TMEM63C: variants seen among roughly 807,000 people sequenced by gnomAD.
TMEM63C encodes the protein transmembrane protein 63C.
Under a neutral mutation model 99.2 loss-of-function variants are expected in TMEM63C, and 32 were observed. The observed-to-expected ratio is 0.32, with a 90% CI of 0.24 to 0.43. The LOEUF is 0.43. Among genes scored for constraint, TMEM63C ranks in the 20% least tolerant of loss-of-function variants. The pLI is 1.00. For synonymous variants in TMEM63C, 376 were observed against 397.9 expected (o/e 0.94, Z 0.66); for missense variants, 826 against 1,053.0 (o/e 0.78, Z 2.98).
At chr14:77,227,489 A>G (rs1486853322) in intron 6 of TMEM63C, among the ~76,000 whole-genome samples, 1 of 152,248 alleles carries the variant, frequency 6.6e-6, no homozygotes. Flanking sequence ...GGAGCTGTTG[A>G]AAAAACAAGA....
rs547646173 is a variant in TMEM63C, at chr14:77,202,386, C to G, written c.-76-11060C>G. 1.1e-4 allele frequency among the ~76,000 whole-genome samples: 16 copies of G among 152,206 alleles called. 1 individual carries two copies. In the South Asian group the frequency reaches 3.3e-3, roughly 32 times the overall value. ...CCCACTGTATTGGCTTCCCAGGGCC[C>G]TGCAACAAATTACCACAAACTGTGT... is the stretch of plus-strand genomic sequence containing the variant. On this transcript the variant is annotated intron_variant, in intron 1 of 23. Coordinates refer to ENST00000298351, the MANE Select transcript of TMEM63C (RefSeq NM_020431.4).
Position 77,236,708 on chromosome 14 carries a change from G to T in TMEM63C, c.627G>T (p.Gly209=), listed in dbSNP as rs764379979. 3 of 1,612,280 alleles carry T rather than the reference G, an allele frequency of 1.9e-6. No homozygotes were observed. Among genetic ancestry groups the T allele is most frequent in the Middle Eastern group, 1.6e-4 (1 of 6,076 alleles). Residue 209 remains glycine (G), a synonymous_variant, in exon 9 of 24, where the codon GGG becomes GGT. Transcript: ENST00000298351. ...TGTTCATGGCTCATCACTGCCTGGG[G>T]TTTGCACCCAGGAATAGCCAAAAGG... ...NFMFMAHHCL[G]FAPRNSQKVT...
rs1345723720 is a variant in TMEM63C, at chr14:77,256,753, CTTG to C, written c.*31_*33del. The C allele has an allele frequency of 1.9e-6, 3 of 1,609,100 alleles. No individual in the cohort carries two copies. Among genetic ancestry groups the C allele is most frequent in the Admixed American group, 1.7e-5 (1 of 59,828 alleles). ...CGGGACCTGAGGCCTCCACTGGCGA[CTTG>C]TTGAGGGGTCAGGGGAGGGCCTGGC... On this transcript the variant is annotated 3_prime_UTR_variant, in exon 24 of 24. Coordinates refer to ENST00000298351, the MANE Select transcript of TMEM63C (RefSeq NM_020431.4).
chr14:77,248,078 A>G (rs1349573050), intron 18 of TMEM63C, among the ~76,000 whole-genome samples: 2 of 152,138 alleles, frequency 1.3e-5, no homozygotes, highest in South Asian at 2.1e-4. Context: ...AAGCCAATGC[A>G]TGTATCCCCT....
intron 1 of TMEM63C, among the ~76,000 whole-genome samples, chr14:77,204,125 G>A (rs941520638): frequency 6.6e-6 from 1 of 152,228 alleles, no homozygotes; most frequent in African/African-American, 2.4e-5. Context: ...AGACTTAGTG[G>A]GGACTTGTTA....
At chr14:77,252,278 C>A (rs2287386) in intron 22 of TMEM63C, among the ~76,000 whole-genome samples, 95,282 of 151,834 alleles carry the variant, frequency 0.63, 30,521 homozygotes, top group East Asian at 0.8. Context: ...GGGGGAGTTG[C>A]TGATGATTCA....
intron 9 of TMEM63C, among the ~76,000 whole-genome samples, chr14:77,238,406 C>T (rs76162491): frequency 0.013 from 1,922 of 152,346 alleles, 35 homozygotes; most frequent in African/African-American, 0.044. Flanking sequence ...CCACAGCAGT[C>T]CGGAGCAGGG....
rs1889105680 is a variant in TMEM63C, at chr14:77,238,758, A to G, written c.716A>G (p.Lys239Arg). Residue 239 changes from lysine to arginine, a missense_variant, in exon 10 of 24, where the codon AAG (lysine) becomes AGG (arginine). Lys to Arg is a conservative substitution (Grantham distance 26). Coordinates refer to ENST00000298351, the MANE Select transcript of TMEM63C (RefSeq NM_020431.4). ...ATTGAAGACCCAGAACTCATCATTAAGCATTTTCAGTAAGTGGGTTGGGGT... is the reference window on the plus strand; with the variant it reads ...ATTGAAGACCCAGAACTCATCATTAGGCATTTTCAGTAAGTGGGTTGGGGT... ...KDIEDPELII[K>R]HFHEAYPGSV... 4 of 1,613,796 alleles carry G rather than the reference A, an allele frequency of 2.5e-6. No individual in the cohort carries two copies. The highest frequency in any genetic ancestry group is 2.5e-6 in the Non-Finnish European group (3 of 1,179,676).
chr14:77,232,937 G>A (rs1888971150), intron 7 of TMEM63C, among the ~76,000 whole-genome samples: 1 of 152,174 alleles, frequency 6.6e-6, no homozygotes, highest in Admixed American at 6.5e-5. Context: ...GCCACTACTA[G>A]AGTAATATCT....
At chr14:77,217,919 A>G (rs1175394982) in intron 2 of TMEM63C, among the ~76,000 whole-genome samples, 1 of 152,226 alleles carries the variant, frequency 6.6e-6, no homozygotes, top group East Asian at 1.9e-4. Flanking sequence ...AGAGAGTAGA[A>G]GGATGGTTAC....
intron 5 of TMEM63C, among the ~76,000 whole-genome samples, chr14:77,224,636 G>A (rs1196210247): frequency 6.6e-6 from 1 of 151,916 alleles, no homozygotes; most frequent in African/African-American, 2.4e-5. Flanking sequence ...CATGGCTAAG[G>A]CCACCTTTCC....
At chr14:77,224,832 A>ATT (rs556951532) in intron 5 of TMEM63C, among the ~76,000 whole-genome samples, 1 of 149,368 alleles carries the variant, frequency 6.7e-6, no homozygotes, top group African/African-American at 2.5e-5. Flanking sequence ...CCCTTAAGGG[A>ATT]TTTTTTTTTT....
rs569996286 is a variant in TMEM63C at position 77,231,255 on chromosome 14, T to C, written c.351-333T>C. 2.0e-5 allele frequency among the ~76,000 whole-genome samples: 3 copies of C among 152,330 alleles called. No individual in the cohort carries two copies. The South Asian group carries it at 6.2e-4, about 32-fold the overall frequency. On this transcript the variant is annotated intron_variant, in intron 6 of 23. Transcript: ENST00000298351. ...AGTGCTTTATCTGGTGCCTGCACCA[T>C]AGCAACCACTCAAAATGTTTGAAGA... is the stretch of plus-strand genomic sequence containing the variant.
In TMEM63C at chr14:77,256,930, T is replaced by C. The variant is rs923404764; in HGVS notation, c.*204T>C. On this transcript the variant is annotated 3_prime_UTR_variant, in exon 24 of 24. Coordinates refer to ENST00000298351, the MANE Select transcript of TMEM63C (RefSeq NM_020431.4). The stretch of plus-strand genomic sequence containing the variant: ...TGGAACTGGGGGTGCTCGGCAGTGC[T>C]GAAGGAGCCTGGGAAGGGATGGGAG... 8.6e-6 allele frequency: 5 copies of C among 584,696 alleles called. No individual in the cohort carries two copies. The Admixed American group carries it at 1.2e-4, about 14-fold the overall frequency. The allele number at this position is 584,696 out of a possible 1,614,324, so 36.2% of individuals were successfully genotyped here. A position where few individuals can be genotyped will look rare whatever the true frequency, so the allele number is the denominator to read the frequency against.
chr14:77,218,698 C>A, intron 2 of TMEM63C, 103 bp from the exon 3 acceptor site: 1 of 1,251,746 alleles, frequency 8.0e-7, no homozygotes, highest in Non-Finnish European at 1.1e-6. Flanking sequence ...CCTAGCCTGG[C>A]CGAGGCACTC....
intron 2 of TMEM63C, among the ~76,000 whole-genome samples, chr14:77,216,860 C>T (rs1207675035): frequency 2.6e-5 from 4 of 152,180 alleles, no homozygotes; most frequent in African/African-American, 4.8e-5. Context: ...CCCTCCTGCT[C>T]CCCCACCTAG....
intron 5 of TMEM63C, among the ~76,000 whole-genome samples, chr14:77,220,970 T>A (rs564291665): frequency 0.012 from 25 of 2,092 alleles, 5 homozygotes; most frequent in South Asian, 0.04. Context: ...CCTCCCACTC[T>A]CGCCTCCCCT....
chr14:77,222,821 C>T (rs1212915152), intron 5 of TMEM63C, among the ~76,000 whole-genome samples: 1 of 152,138 alleles, frequency 6.6e-6, no homozygotes, highest in Non-Finnish European at 1.5e-5. Context: ...GTTATATAGC[C>T]ACAGAAAATG....
chr14:77,237,064 C>G (rs528064923), intron 9 of TMEM63C, among the ~76,000 whole-genome samples: 2 of 152,002 alleles, frequency 1.3e-5, no homozygotes, highest in South Asian at 4.2e-4. Context: ...ATCCTCTCAC[C>G]CCTAATGAAA....
Sources: gnomAD v4.1 joint callset for allele counts (sites outside exome capture counted in the v4.1 genomes callset) on GRCh38, gnomAD v4.1.1 for gene constraint, MANE v1.5 for transcripts, NCBI Gene and HGNC (gene_info 2026-07-23, HGNC 2026-07-21) for gene names.